The following HNF4G variants were observed in gnomAD, a reference collection of about 807,000 sequenced individuals.
HNF4G encodes hepatocyte nuclear factor 4-gamma.
HNF4G carries 21 observed loss-of-function variants against 50.9 expected under a neutral mutation model. That is an observed-to-expected ratio of 0.41 (90% CI 0.29 to 0.59). The LOEUF is 0.59. Ranked by LOEUF, HNF4G falls within the 20% of genes least tolerant of loss-of-function variation. The pLI is 0.26. For missense variants in HNF4G, 527 were observed against 559.4 expected (o/e 0.94, Z 0.58); for synonymous variants, 198 against 185.6 (o/e 1.07, Z -0.54).
upstream of HNF4G, among the ~76,000 whole-genome samples, chr8:75,538,637 C>A (rs1419159982): frequency 6.6e-6 from 1 of 152,154 alleles, no homozygotes; most frequent in East Asian, 1.9e-4. Context: ...ACTGAATAAC[C>A]TATGTCTAGT....
intron 8 of HNF4G, 75 bp from the exon 9 acceptor site, chr8:75,560,269 A>T: frequency 6.6e-7 from 1 of 1,513,584 alleles, no homozygotes; most frequent in Non-Finnish European, 9.1e-7. Flanking sequence ...GCTGTCAATC[A>T]AAACATTTGT....
chr8:75,413,250 T>G (rs911041388), intron 1 of HNF4G, among the ~76,000 whole-genome samples: 4 of 136,186 alleles, frequency 2.9e-5, no homozygotes, highest in Non-Finnish European at 6.4e-5. Context: ...TGGCAGCATT[T>G]TGGAAAATGG....
intron 2 of HNF4G, 152 bp downstream of exon 2, chr8:75,544,131 G>GTGAA: frequency 1.6e-6 from 1 of 609,604 alleles, no homozygotes; most frequent in Non-Finnish European, 2.8e-6. Context: ...GTGTGGGTAT[G>GTGAA]TACACAGGAT....
intron 1 of HNF4G, among the ~76,000 whole-genome samples, chr8:75,419,706 A>C (rs918092240): frequency 6.6e-6 from 1 of 152,238 alleles, no homozygotes; most frequent in Non-Finnish European, 1.5e-5. Context: ...TGACAATGTA[A>C]TTGCAGCTCA....
At chr8:75,513,509 A>G (rs1426290643) in intron 2 of HNF4G, among the ~76,000 whole-genome samples, 1 of 152,196 alleles carries the variant, frequency 6.6e-6, no homozygotes, top group Non-Finnish European at 1.5e-5. Flanking sequence ...AGTATCTACT[A>G]TAATTCTTAT....
At chr8:75,417,251 C>A (rs765907106) in intron 1 of HNF4G, among the ~76,000 whole-genome samples, 2 of 152,220 alleles carry the variant, frequency 1.3e-5, no homozygotes, top group African/African-American at 2.4e-5. Flanking sequence ...GCCTCAAACT[C>A]CTGGCGACAA....
intron 1 of HNF4G, among the ~76,000 whole-genome samples, chr8:75,449,608 G>A (rs763268086): frequency 1.7e-4 from 25 of 148,244 alleles, no homozygotes; most frequent in African/African-American, 6.3e-4. Flanking sequence ...CAGGGTTCAC[G>A]CCATTCTCCT....
intron 2 of HNF4G, among the ~76,000 whole-genome samples, chr8:75,505,640 G>A (rs760701930): frequency 3.3e-5 from 5 of 150,018 alleles, no homozygotes; most frequent in African/African-American, 7.4e-5. Context: ...AAATATAAAC[G>A]TACCTTATGA....
chr8:75,465,476 A>G (rs1811947655), intron 1 of HNF4G, among the ~76,000 whole-genome samples: 1 of 152,168 alleles, frequency 6.6e-6, no homozygotes, highest in Non-Finnish European at 1.5e-5. Context: ...GGCACATTTT[A>G]TAGGTTTAAA....
chr8:75,551,730 G>GT (rs1271133453), intron 4 of HNF4G, among the ~76,000 whole-genome samples: 4 of 152,100 alleles, frequency 2.6e-5, no homozygotes, highest in African/African-American at 9.7e-5. Context: ...GTCTAAGATT[G>GT]TTTTTTAAAA....
At chr8:75,522,545 G>T (rs540957962) in intron 2 of HNF4G, among the ~76,000 whole-genome samples, 2 of 152,156 alleles carry the variant, frequency 1.3e-5, no homozygotes, top group Non-Finnish European at 2.9e-5. Context: ...CTCAACCTGA[G>T]CATTATTAAC....
chr8:75,424,110 C>T (rs1399072499), intron 1 of HNF4G, among the ~76,000 whole-genome samples: 1 of 151,910 alleles, frequency 6.6e-6, no homozygotes, highest in Non-Finnish European at 1.5e-5. Context: ...CGTGAGCCAC[C>T]GCACCCGGCC....
At chr8:75,417,462 G>A (rs1235383815) in intron 1 of HNF4G, among the ~76,000 whole-genome samples, 1 of 152,208 alleles carries the variant, frequency 6.6e-6, no homozygotes, top group African/African-American at 2.4e-5. Context: ...AATACCCAGT[G>A]AGACTAAATA....
At chr8:75,509,097 C>T (rs781092023) in intron 2 of HNF4G, among the ~76,000 whole-genome samples, 26 of 152,114 alleles carry the variant, frequency 1.7e-4, no homozygotes, top group Non-Finnish European at 3.5e-4. Context: ...GGACTCCACT[C>T]ATTTACAAGT....
intron 4 of HNF4G, 99 bp downstream of exon 4, chr8:75,551,593 T>A: frequency 1.4e-6 from 1 of 693,950 alleles, no homozygotes; most frequent in Non-Finnish European, 2.5e-6. Context: ...AGGTGCTCAT[T>A]ACTAAAATAA....
At chr8:75,559,225 G>A (rs1045533319) in intron 8 of HNF4G, among the ~76,000 whole-genome samples, 188 bp downstream of exon 8, 2 of 151,422 alleles carry the variant, frequency 1.3e-5, no homozygotes, top group African/African-American at 4.8e-5. Flanking sequence ...AGACCCATCA[G>A]AGAGACAAAA....
chr8:75,463,772 ATTT>A lies in HNF4G; in HGVS notation c.-143-26300_-143-26298del, dbSNP rs373640826. Among the ~76,000 whole-genome samples the A allele has an allele frequency of 2.6e-5, 3 of 115,544 alleles. 1 individual carries two copies. The highest frequency in any genetic ancestry group is 5.7e-4 in the South Asian group (2 of 3,522). The allele number at this position is 115,544 out of a possible 152,430, so 75.8% of individuals were successfully genotyped here. A position where few individuals can be genotyped will look rare whatever the true frequency, so the allele number is the denominator to read the frequency against. Reference sequence around the variant, plus strand: ...AACTATTCTTTTTGTGAATATGTTGATTTTTTTTTTTTTTTTTTTGAGACAGAA... The same window carrying A: ...AACTATTCTTTTTGTGAATATGTTGATTTTTTTTTTTTTTTTGAGACAGAA... On this transcript the variant is annotated intron_variant, in intron 1 of 10. Transcript: ENST00000354370.
chr8:75,417,496 A>T (rs1810669512), intron 1 of HNF4G, among the ~76,000 whole-genome samples: 1 of 152,206 alleles, frequency 6.6e-6, no homozygotes, highest in Non-Finnish European at 1.5e-5. Flanking sequence ...TTAAATAGGA[A>T]CCAAGGCCAT....
At chr8:75,482,214 C>T (rs1812396275) in intron 1 of HNF4G, among the ~76,000 whole-genome samples, 1 of 152,038 alleles carries the variant, frequency 6.6e-6, no homozygotes, top group South Asian at 2.1e-4. Context: ...TTTCACAGTT[C>T]CTTAAGCAGC....
Sources: gnomAD v4.1 joint callset for allele counts (sites outside exome capture counted in the v4.1 genomes callset) on GRCh38, gnomAD v4.1.1 for gene constraint, MANE v1.5 for transcripts, NCBI Gene and HGNC (gene_info 2026-07-23, HGNC 2026-07-21) for gene names.